Variants in STX17 observed in about 807,000 individuals in gnomAD.
The protein encoded by STX17 is syntaxin-17.
STX17 carries 29 observed loss-of-function variants against 35.9 expected under a neutral mutation model. The ratio of observed to expected loss-of-function variants is 0.81; its 90% CI spans 0.60 to 1.10. STX17 has a LOEUF of 1.10. Among genes scored for constraint, STX17 ranks in the 50% least tolerant of loss-of-function variants. The probability of loss-of-function intolerance (pLI) is 0.00; values close to 1 mark genes in which losing one functional copy is unlikely to be tolerated. For synonymous variants in STX17, 92 were observed against 118.3 expected (o/e 0.78, Z 1.44); for missense variants, 312 against 352.3 (o/e 0.89, Z 0.92).
At chr9:99,920,231 A>T (rs10739791) in intron 2 of STX17, among the ~76,000 whole-genome samples, 63,969 of 152,008 alleles carry the variant, frequency 0.42, 14,541 homozygotes, top group East Asian at 0.7. Context: ...TACCTGAGGG[A>T]AAACCTGTTT....
chr9:99,953,922 A>C (rs1829655983), intron 4 of STX17: 1 of 152,070 alleles, frequency 6.6e-6, no homozygotes, highest in African/African-American at 2.4e-5. Context: ...ATGTCATCAG[A>C]GAAATTGGGT....
intron 3 of STX17, among the ~76,000 whole-genome samples, chr9:99,942,416 C>G (rs1223008877): frequency 6.6e-6 from 1 of 152,088 alleles, no homozygotes; most frequent in Non-Finnish European, 1.5e-5. Context: ...AGTGGTGTTT[C>G]TTGATGACTA....
chr9:99,912,181 G>A (rs143390460), intron 1 of STX17, among the ~76,000 whole-genome samples: 221 of 151,852 alleles, frequency 1.5e-3, no homozygotes, highest in Non-Finnish European at 2.7e-3. Context: ...AGCTGAGCTC[G>A]TGCCACTGCA....
Position 99,972,250 on chromosome 9 carries a change from TAA to T in STX17, c.*3579_*3580del, listed in dbSNP as rs1188074649. Among the ~76,000 whole-genome samples, 1 of 152,240 alleles carries T rather than the reference TAA, an allele frequency of 6.6e-6. No individual in the cohort carries two copies. Among genetic ancestry groups the T allele is most frequent in the African/African-American group, 2.4e-5 (1 of 41,468 alleles). On this transcript the variant is annotated 3_prime_UTR_variant, in exon 8 of 8. Coordinates refer to ENST00000259400, the MANE Select transcript of STX17 (RefSeq NM_017919.3). ...ATGTTCACTAGTTATAACCATTGTT[TAA>T]ACAGTGCTTTTTGTGTAATTTAAAA...
At position 99,951,075 on chromosome 9, in the gene STX17, AT is replaced by A. The variant is rs771660314; in HGVS notation, c.206del (p.Ile69ThrfsTer9). The A allele has an allele frequency of 6.8e-6, 11 of 1,609,204 alleles. No individual in the cohort carries two copies. The highest frequency in any genetic ancestry group is 9.3e-6 in the Non-Finnish European group (11 of 1,177,612). On this transcript the variant is annotated frameshift_variant, in exon 4 of 8. Coordinates refer to ENST00000259400, the MANE Select transcript of STX17 (RefSeq NM_017919.3). LOFTEE classifies it high-confidence loss of function. ...GRTVQQLRSN[I>X]REIEKLCLKV... is the part of the protein sequence containing the mutation. ...TCTTTTATAGCAACTCCGATCCAAT[AT>A]CCGAGAAATTGAGAAACTTTGTTTG...
chr9:99,949,007 A>G (rs1829540947), intron 3 of STX17, among the ~76,000 whole-genome samples: 1 of 152,098 alleles, frequency 6.6e-6, no homozygotes, highest in Non-Finnish European at 1.5e-5. Flanking sequence ...AAGGAGTCAC[A>G]TAGCCAGGAA....
At chr9:99,928,698 T>A (rs1184612014) in intron 2 of STX17, 80 bp from the exon 3 acceptor site, 5 of 1,219,704 alleles carry the variant, frequency 4.1e-6, no homozygotes, top group Non-Finnish European at 2.4e-6. Context: ...TTTGGGTGGG[T>A]GAGTGGGGAT....
chr9:99,951,792 A>G (rs1027116303), intron 4 of STX17, among the ~76,000 whole-genome samples: 2 of 152,076 alleles, frequency 1.3e-5, no homozygotes, highest in African/African-American at 4.8e-5. Context: ...ATTTGTCATT[A>G]CATCTCTTCT....
chr9:99,957,459 C>T (rs1231511993), intron 4 of STX17, among the ~76,000 whole-genome samples: 1 of 152,088 alleles, frequency 6.6e-6, no homozygotes, highest in Non-Finnish European at 1.5e-5. Context: ...CACCCTAACA[C>T]AATACTCAGT....
At chr9:99,944,512 A>G (rs1171995920) in intron 3 of STX17, among the ~76,000 whole-genome samples, 1 of 135,428 alleles carries the variant, frequency 7.4e-6, no homozygotes, top group Admixed American at 7.5e-5. Context: ...ATTCAGGTCA[A>G]AGCATTTTTT....
intron 1 of STX17, among the ~76,000 whole-genome samples, chr9:99,910,286 C>A (rs1244055056): frequency 6.6e-6 from 1 of 151,450 alleles, no homozygotes; most frequent in Non-Finnish European, 1.5e-5. Flanking sequence ...ATAAATCCAC[C>A]CTGTTAGTAA....
intron 1 of STX17, among the ~76,000 whole-genome samples, chr9:99,913,832 CTA>C (rs1041062574): frequency 5.9e-5 from 9 of 152,122 alleles, no homozygotes; most frequent in Admixed American, 2.0e-4. Context: ...TGGAGGCAGT[CTA>C]TATAACCAAC....
intron 3 of STX17, among the ~76,000 whole-genome samples, chr9:99,945,449 T>C (rs530608712): frequency 6.6e-6 from 1 of 152,222 alleles, no homozygotes; most frequent in East Asian, 1.9e-4. Flanking sequence ...GTTAAAGTGG[T>C]TTATCTTTTT....
chr9:99,947,737 TC>T (rs1166790038), intron 3 of STX17, among the ~76,000 whole-genome samples: 4 of 152,064 alleles, frequency 2.6e-5, no homozygotes, highest in Non-Finnish European at 5.9e-5. Context: ...GCTCTGACGA[TC>T]CCAGCCAAAA....
At position 99,939,981 on chromosome 9, in the gene STX17, G is replaced by A. The variant is rs1319208494; in HGVS notation, c.190-11079G>A. Among the ~76,000 whole-genome samples, 5 of 151,900 alleles carry A rather than the reference G, an allele frequency of 3.3e-5. No homozygotes were observed. In the East Asian group the frequency reaches 7.7e-4, roughly 23 times the overall value. Reference sequence around the variant, plus strand: ...TCTTAACATTTTTTCATCAGCCTCCGCTCATTCTGGGCTCTAACTTTACTT... The same window carrying A: ...TCTTAACATTTTTTCATCAGCCTCCACTCATTCTGGGCTCTAACTTTACTT... On this transcript the variant is annotated intron_variant, in intron 3 of 7. Coordinates refer to ENST00000259400, the MANE Select transcript of STX17 (RefSeq NM_017919.3).
intron 3 of STX17, among the ~76,000 whole-genome samples, chr9:99,939,089 C>CCTAT (rs1234072889): frequency 1.3e-5 from 2 of 152,018 alleles, no homozygotes; most frequent in Non-Finnish European, 2.9e-5. Flanking sequence ...CTAGGAAAAA[C>CCTAT]ATAGAACACT....
At chr9:99,933,881 C>T (rs1320591972) in intron 3 of STX17, among the ~76,000 whole-genome samples, 2 of 152,144 alleles carry the variant, frequency 1.3e-5, no homozygotes, top group Admixed American at 6.5e-5. Context: ...AGCTCTTCTT[C>T]CCAAATACTT....
intron 3 of STX17, among the ~76,000 whole-genome samples, chr9:99,929,472 C>G (rs950485695): frequency 6.6e-6 from 1 of 151,740 alleles, no homozygotes; most frequent in African/African-American, 2.4e-5. Flanking sequence ...TTATAATATC[C>G]TATATTCTCC....
chr9:99,969,287 C>G lies in STX17; in HGVS notation c.*614C>G, dbSNP rs1168109782. ...AAATCTTCTGGCTTCTGAACTCTTC[C>G]TCTGCCTCTCTTTAAATAAATAACA... is the stretch of plus-strand genomic sequence containing the variant. On this transcript the variant is annotated 3_prime_UTR_variant, in exon 8 of 8. Transcript: ENST00000259400. 1 of 152,184 alleles carries G rather than the reference C, an allele frequency of 6.6e-6. No individual in the cohort carries two copies. Among genetic ancestry groups the G allele is most frequent in the Non-Finnish European group, 1.5e-5 (1 of 68,044 alleles). The allele number at this position is 152,184 out of a possible 1,614,324, so 9.4% of individuals were successfully genotyped here. A position where few individuals can be genotyped will look rare whatever the true frequency, so the allele number is the denominator to read the frequency against.
Sources: gnomAD v4.1 joint callset for allele counts (sites outside exome capture counted in the v4.1 genomes callset) on GRCh38, gnomAD v4.1.1 for gene constraint, MANE v1.5 for transcripts, NCBI Gene and HGNC (gene_info 2026-07-23, HGNC 2026-07-21) for gene names.